The following VPS13D variants were observed in gnomAD, a reference collection of about 807,000 sequenced individuals.
VPS13D encodes the protein vacuolar protein sorting 13 homolog D, also known as intermembrane lipid transfer protein VPS13D.
Under a neutral mutation model 461.9 loss-of-function variants are expected in VPS13D, and 187 were observed. The ratio of observed to expected loss-of-function variants is 0.40; its 90% confidence interval spans 0.36 to 0.46. The LOEUF (loss-of-function observed/expected upper bound fraction) is 0.46, where lower values mean the gene tolerates loss of function less well. VPS13D is among the 20% of genes least tolerant of loss of function. The pLI, the probability that VPS13D is intolerant of heterozygous loss-of-function variation, is 0.60. For synonymous variants in VPS13D, 1,951 were observed against 1,986.3 expected, an observed-to-expected ratio of 0.98 and a Z score of 0.47; for missense variants, 4,711 against 5,364.9, an observed-to-expected ratio of 0.88 and a Z score of 3.81.
chr1:12,499,674 T>C (rs1207353396), intron 68 of VPS13D: 6 of 985,302 alleles, frequency 6.1e-6, no homozygotes, highest in Middle Eastern at 5.2e-4. Flanking sequence ...ATGAAAACCA[T>C]GTGTCTCCAC....
In VPS13D at chr1:12,268,670, C is replaced by T. The variant is rs12077905; in HGVS notation, c.1802-36C>T. 8,680 of 1,590,606 alleles carry T rather than the reference C, an allele frequency of 5.5e-3. 394 individuals carry two copies. The African/African-American group carries it at 0.1, about 18-fold the overall frequency. On this transcript the variant is annotated intron_variant, in intron 15 of 69. Coordinates refer to ENST00000620676, the MANE Select transcript of VPS13D (RefSeq NM_015378.4). The stretch of plus-strand genomic sequence containing the variant: ...CTGTTAATAAGGCTATAGTTTTTGC[C>T]TTGTTCCGTGTTCTTATTCCTGTTC...
chr1:12,251,501 C>G (rs1640730948), intron 6 of VPS13D, among the ~76,000 whole-genome samples: 1 of 152,184 alleles, frequency 6.6e-6, no homozygotes, highest in African/African-American at 2.4e-5. Context: ...TTTTCCATGT[C>G]AGGACCCACA....
At chr1:12,233,613 G>A (rs1302843302) in intron 1 of VPS13D, among the ~76,000 whole-genome samples, 1 of 152,204 alleles carries the variant, frequency 6.6e-6, no homozygotes. Context: ...ACACTGAAAA[G>A]ATAGACAGCT....
chr1:12,319,750 T>A, intron 32 of VPS13D, 120 bp downstream of exon 32: 1 of 1,419,202 alleles, frequency 7.0e-7, no homozygotes, highest in African/African-American at 1.4e-5. Context: ...TGGAAGACCC[T>A]TGCCCTCTTT....
intron 46 of VPS13D, among the ~76,000 whole-genome samples, chr1:12,350,333 T>C (rs1282951094): frequency 6.6e-6 from 1 of 152,194 alleles, no homozygotes. Context: ...ATGTATTTCC[T>C]GATCACAATA....
At chr1:12,231,276 G>A (rs938886543) in intron 1 of VPS13D, among the ~76,000 whole-genome samples, 7 of 152,256 alleles carry the variant, frequency 4.6e-5, no homozygotes, top group Non-Finnish European at 1.0e-4. Flanking sequence ...ACTCTGGCCA[G>A]TCTGGCGGCC....
At position 12,321,046 on chromosome 1, in the gene VPS13D, T is replaced by C. The variant is rs183526373; in HGVS notation, c.7549-763T>C. Among the ~76,000 whole-genome samples the C allele has an allele frequency of 2.6e-3, 401 of 152,324 alleles. 3 individuals carry two copies. Among genetic ancestry groups the C allele is most frequent in the African/African-American group, 9.1e-3 (378 of 41,578 alleles). The stretch of plus-strand genomic sequence containing the variant: ...AGAAGGACCCAAATGATTGGTCTTT[T>C]CTTTCCGCTGTGCTCTTCCTGAGCA... On this transcript the variant is annotated intron_variant, in intron 32 of 69. Coordinates refer to ENST00000620676, the MANE Select transcript of VPS13D (RefSeq NM_015378.4).
rs35247625 is a variant in VPS13D at position 12,381,922 on chromosome 1, T to TTTTCTTTCTTTCTTTC, written c.11191-1008_11191-993dup. ...TCTTTTTTTCTTTTTCTTTCTTTTC[T>TTTTCTTTCTTTCTTTC]TTTCTTTCTTTCTTTCTTTCTTTCT... On this transcript the variant is annotated intron_variant, in intron 57 of 69. Coordinates refer to ENST00000620676, the MANE Select transcript of VPS13D (RefSeq NM_015378.4). 1.2e-3 allele frequency among the ~76,000 whole-genome samples: 122 copies of TTTTCTTTCTTTCTTTC among 101,260 alleles called. 1 individual carries two copies. Among genetic ancestry groups the TTTTCTTTCTTTCTTTC allele is most frequent in the East Asian group, 4.8e-3 (18 of 3,722 alleles). The allele number at this position is 101,260 out of a possible 152,430, so 66.4% of individuals were successfully genotyped here.
At chr1:12,408,371 T>C (rs1309351504) in intron 63 of VPS13D, among the ~76,000 whole-genome samples, 1 of 151,980 alleles carries the variant, frequency 6.6e-6, no homozygotes, top group Non-Finnish European at 1.5e-5. Context: ...TGTTGGACTT[T>C]TTTGCGGGGT....
chr1:12,490,859 C>G (rs548367490), intron 67 of VPS13D, among the ~76,000 whole-genome samples: 1 of 149,564 alleles, frequency 6.7e-6, no homozygotes, highest in Non-Finnish European at 1.5e-5. Context: ...AGGTCCAAGA[C>G]AGATGCAGCC....
intron 7 of VPS13D, 91 bp from the exon 8 acceptor site, chr1:12,256,242 C>T: frequency 6.9e-7 from 1 of 1,439,022 alleles, no homozygotes; most frequent in Non-Finnish European, 9.4e-7. Flanking sequence ...GGCTGAGCTC[C>T]ACTGTTTGTC....
At chr1:12,430,267 A>G (rs184539296) in intron 65 of VPS13D, among the ~76,000 whole-genome samples, 4 of 152,304 alleles carry the variant, frequency 2.6e-5, no homozygotes, top group African/African-American at 9.6e-5. Flanking sequence ...GATCTTCACA[A>G]ACTTATGCAT....
chr1:12,446,172 T>C (rs1645190000), intron 65 of VPS13D, among the ~76,000 whole-genome samples: 1 of 152,160 alleles, frequency 6.6e-6, no homozygotes, highest in African/African-American at 2.4e-5. Context: ...ATCCCAGAAC[T>C]TTGGGAGGCC....
At chr1:12,425,324 G>A (rs559095233) in intron 65 of VPS13D, among the ~76,000 whole-genome samples, 218 of 152,174 alleles carry the variant, frequency 1.4e-3, no homozygotes, top group African/African-American at 5.0e-3. Flanking sequence ...TTGGGAAGCC[G>A]AGGCAGGTGG....
At position 12,345,402 on chromosome 1, in the gene VPS13D, C is replaced by G; in HGVS notation, c.8914C>G (p.Leu2972Val). The G allele has an allele frequency of 6.2e-7, 1 of 1,613,588 alleles. No homozygotes were observed. The highest frequency in any genetic ancestry group is 8.5e-7 in the Non-Finnish European group (1 of 1,179,546). Residue 2972 changes from leucine (L) to valine (V), a missense_variant, in exon 43 of 70, where the codon CTG becomes GTG. This residue lies in a region of VPS13D where 4,411 missense variants were observed against 4,937.8 expected (regional missense o/e 0.89). Transcript: ENST00000620676. The stretch of plus-strand genomic sequence containing the variant: ...CACCCATGACCTCCGGATTCATCAA[C>G]TGCAAGTGAGAGTAAATGGCTGGGA... ...RHTHDLRIHQ[L>V]QVRVNGWEQV... is the part of the protein sequence containing the mutation.
intron 33 of VPS13D, 96 bp from the exon 34 acceptor site, chr1:12,322,440 C>A: frequency 8.0e-7 from 1 of 1,251,450 alleles, no homozygotes. Flanking sequence ...ATCTGTTGGA[C>A]TTTTAGAAGT....
chr1:12,349,420 T>G (rs767575354), intron 46 of VPS13D, 46 bp downstream of exon 46: 13 of 1,574,678 alleles, frequency 8.3e-6, no homozygotes, highest in Non-Finnish European at 1.1e-5. Flanking sequence ...CCTTTTTTTT[T>G]TCTTTTGGAA....
rs529752735 is a variant in VPS13D, at chr1:12,397,657, G to GT, written c.11635-2523dup. Among the ~76,000 whole-genome samples, 439 of 152,296 alleles carry GT rather than the reference G, an allele frequency of 2.9e-3. 2 individuals are homozygous for GT. Among genetic ancestry groups the GT allele is most frequent in the Non-Finnish European group, 4.7e-3 (318 of 68,034 alleles). On this transcript the variant is annotated intron_variant, in intron 60 of 69. Transcript: ENST00000620676. Reference sequence around the variant, plus strand: ...CTTGAGCCAACAGCCTAGAGAGAAAGTCTGCCAATAAATATGCAGGCAGGC... The same window carrying GT: ...CTTGAGCCAACAGCCTAGAGAGAAAGTTCTGCCAATAAATATGCAGGCAGGC...
chr1:12,318,537 G>T (rs965300481), intron 31 of VPS13D, among the ~76,000 whole-genome samples, 200 bp downstream of exon 31: 39 of 152,290 alleles, frequency 2.6e-4, no homozygotes, highest in African/African-American at 9.1e-4. Flanking sequence ...AGACTGCGGG[G>T]TCGCTTGTCC....
Sources: gnomAD v4.1 joint callset for allele counts (sites outside exome capture counted in the v4.1 genomes callset) on GRCh38, gnomAD v4.1.1 for gene constraint, gnomAD v4.1.1 regional missense constraint, MANE v1.5 for transcripts, NCBI Gene and HGNC (gene_info 2026-07-23, HGNC 2026-07-21) for gene names.